Variants in PRR16 observed in about 807,000 individuals in gnomAD.
PRR16 encodes protein Largen.
Under a neutral mutation model 18.2 loss-of-function variants are expected in PRR16, and 6 were observed. The ratio of observed to expected loss-of-function variants is 0.33; its 90% CI spans 0.18 to 0.65. The LOEUF (loss-of-function observed/expected upper bound fraction) is 0.65, where lower values mean the gene tolerates loss of function less well. Among genes scored for constraint, PRR16 ranks in the 30% least tolerant of loss-of-function variants. PRR16 has a pLI of 0.74. For missense variants in PRR16, 412 were observed against 376.6 expected (o/e 1.09, Z -0.78); for synonymous variants, 151 against 147.8 (o/e 1.02, Z -0.16).
At chr5:120,516,328 G>A (rs562694983) in intron 1 of PRR16, among the ~76,000 whole-genome samples, 14 of 151,178 alleles carry the variant, frequency 9.3e-5, no homozygotes, top group Non-Finnish European at 1.9e-4. Context: ...GGGAGGCTGC[G>A]GCACAAGAAT....
the PRR16 span, chr5:120,789,908 T>G: frequency 3.2e-5 from 2 of 62,714 alleles, no homozygotes; most frequent in Non-Finnish European, 7.3e-5. Flanking sequence ...ACCATACTTA[T>G]GTTTAAACTG....
At chr5:120,564,383 A>G (rs995612242) in intron 1 of PRR16, among the ~76,000 whole-genome samples, 1 of 152,008 alleles carries the variant, frequency 6.6e-6, no homozygotes, top group Non-Finnish European at 1.5e-5. Flanking sequence ...GCACCCCAGA[A>G]CACTCTGGCC....
chr5:120,566,776 C>T (rs1379513091), intron 1 of PRR16, among the ~76,000 whole-genome samples: 1 of 152,184 alleles, frequency 6.6e-6, no homozygotes, highest in African/African-American at 2.4e-5. Context: ...CTTTCAATGA[C>T]TGTTAATGAT....
At chr5:120,693,756 G>T in the PRR16 span, among the ~76,000 whole-genome samples, 1 of 134,008 alleles carries the variant, frequency 7.5e-6, no homozygotes, top group South Asian at 2.4e-4. Context: ...TACACACATA[G>T]TTAAGGTCAG....
At chr5:120,489,558 G>A (rs1561512650) in intron 1 of PRR16, among the ~76,000 whole-genome samples, 1 of 152,146 alleles carries the variant, frequency 6.6e-6, no homozygotes, top group Non-Finnish European at 1.5e-5. Context: ...CTGCACGTGA[G>A]ATGGGTTTCC....
At chr5:120,788,258 C>T in the PRR16 span, among the ~76,000 whole-genome samples, 1 of 151,938 alleles carries the variant, frequency 6.6e-6, no homozygotes, top group Non-Finnish European at 1.5e-5. Flanking sequence ...TAGAGTAGTA[C>T]ACAGTAGGTG....
intron 1 of PRR16, among the ~76,000 whole-genome samples, chr5:120,583,313 ATGTGTGTG>A (rs35255792): frequency 0.21 from 31,999 of 148,966 alleles, 3,720 homozygotes; most frequent in Middle Eastern, 0.34. Flanking sequence ...ATACAAAATA[ATGTGTGTG>A]TGTGTGTGTG....
the PRR16 span, among the ~76,000 whole-genome samples, chr5:120,732,038 G>A: frequency 1.3e-5 from 2 of 152,098 alleles, no homozygotes; most frequent in Non-Finnish European, 2.9e-5. Flanking sequence ...TTCCTAGTAG[G>A]AGATGCAAGT....
chr5:120,687,626 C>T (rs1054138701), downstream of PRR16, among the ~76,000 whole-genome samples: 8 of 152,186 alleles, frequency 5.3e-5, no homozygotes, highest in African/African-American at 1.9e-4. Flanking sequence ...CCTGCATTAG[C>T]AAGCTCTCTG....
chr5:120,606,920 G>T (rs1403150842), intron 1 of PRR16, among the ~76,000 whole-genome samples: 2 of 151,910 alleles, frequency 1.3e-5, no homozygotes, highest in African/African-American at 2.4e-5. Context: ...AAAAAATTGG[G>T]GTATGCCATA....
chr5:120,648,725 T>C (rs1213778077), intron 1 of PRR16, among the ~76,000 whole-genome samples: 1 of 152,094 alleles, frequency 6.6e-6, no homozygotes, highest in Non-Finnish European at 1.5e-5. Flanking sequence ...GGTTAGTCAG[T>C]GATGTGCTGG....
chr5:120,770,954 A>T, the PRR16 span, among the ~76,000 whole-genome samples: 7,279 of 53,268 alleles, frequency 0.14, 211 homozygotes, highest in South Asian at 0.2. Flanking sequence ...TCTCTCTCAC[A>T]CACACACACA....
the PRR16 span, among the ~76,000 whole-genome samples, chr5:120,735,008 C>A: frequency 2.0e-5 from 3 of 152,146 alleles, no homozygotes; most frequent in Non-Finnish European, 4.4e-5. Flanking sequence ...CCATTGAATA[C>A]CAGGTTCCCA....
the PRR16 span, among the ~76,000 whole-genome samples, chr5:120,744,135 A>G: frequency 2.6e-5 from 4 of 152,016 alleles, no homozygotes; most frequent in Non-Finnish European, 5.9e-5. Flanking sequence ...GATTTCAACC[A>G]GCAAGCAGAC....
chr5:120,680,037 G>T (rs1404477262), intron 1 of PRR16, among the ~76,000 whole-genome samples: 1 of 152,030 alleles, frequency 6.6e-6, no homozygotes, highest in East Asian at 1.9e-4. Context: ...TGAGATGATG[G>T]ATATGCTCAT....
chr5:120,740,315 A>C, the PRR16 span, among the ~76,000 whole-genome samples: 1 of 152,120 alleles, frequency 6.6e-6, no homozygotes, highest in Admixed American at 6.5e-5. Context: ...AATTCATAAA[A>C]CATTTATATA....
intron 1 of PRR16, among the ~76,000 whole-genome samples, chr5:120,605,799 T>A (rs1241979513): frequency 6.6e-6 from 1 of 152,184 alleles, no homozygotes; most frequent in Non-Finnish European, 1.5e-5. Context: ...TCAGCACTCC[T>A]GGGCTGCATG....
At chr5:120,727,965 T>G in the PRR16 span, among the ~76,000 whole-genome samples, 1 of 151,906 alleles carries the variant, frequency 6.6e-6, no homozygotes, top group Non-Finnish European at 1.5e-5. Flanking sequence ...TATTCAAAAA[T>G]AAGATTAAGT....
At chr5:120,782,019 C>G in the PRR16 span, among the ~76,000 whole-genome samples, 1 of 152,162 alleles carries the variant, frequency 6.6e-6, no homozygotes, top group African/African-American at 2.4e-5. Context: ...ATAAATAGTT[C>G]AAGGCATTCT....
Sources: gnomAD v4.1 joint callset for allele counts (sites outside exome capture counted in the v4.1 genomes callset) on GRCh38, gnomAD v4.1.1 for gene constraint, MANE v1.5 for transcripts, NCBI Gene and HGNC (gene_info 2026-07-23, HGNC 2026-07-21) for gene names.